ATP7A: variants seen among roughly 807,000 people sequenced by gnomAD.
ATP7A encodes the protein copper-transporting ATPase 1.
ATP7A carries 7 observed loss-of-function variants against 83.5 expected under a neutral mutation model. The observed-to-expected ratio is 0.08, with a 90% CI of 0.05 to 0.16. The LOEUF is 0.16. Among genes scored for constraint, ATP7A ranks in the 10% least tolerant of loss-of-function variants. The probability of loss-of-function intolerance (pLI) is 1.00; values close to 1 mark genes in which losing one functional copy is unlikely to be tolerated. For synonymous variants in ATP7A, 354 were observed against 395.2 expected (o/e 0.90, Z 1.24); for missense variants, 940 against 1,120.8 (o/e 0.84, Z 2.30).
rs1266808733 is a variant in ATP7A at position 77,962,431 on chromosome X, T to G, written c.-21-9190T>G. On this transcript the variant is annotated intron_variant, in intron 1 of 22. Transcript: ENST00000341514. Reference sequence around the variant, plus strand: ...TCAGGCCTGCTCCCATACTGTGGAGTGTACTTTCATTTTCAACAAATCCCT... The same window carrying G: ...TCAGGCCTGCTCCCATACTGTGGAGGGTACTTTCATTTTCAACAAATCCCT... 5 of 211,593 alleles carry G rather than the reference T, an allele frequency of 2.4e-5. No homozygotes were observed. In the East Asian group the frequency reaches 4.9e-4, roughly 21 times the overall value. 17.4% of individuals were successfully genotyped at this position (211,593 alleles called of 1,213,427 possible).
intron 5 of ATP7A, among the ~76,000 whole-genome samples, chrX:78,001,879 CT>C (rs1247546901): frequency 1.8e-5 from 2 of 110,927 alleles, no homozygotes; most frequent in African/African-American, 3.3e-5. Context: ...AAATGAACTC[CT>C]TTTTTTGGTT....
At chrX:78,035,816 C>T (rs1402886937) in intron 17 of ATP7A, among the ~76,000 whole-genome samples, 1 of 111,898 alleles carries the variant, frequency 8.9e-6, no homozygotes, top group Non-Finnish European at 1.9e-5. Flanking sequence ...TTTCAAGACC[C>T]AGCTTATATC....
At chrX:77,927,875 G>T (rs182825972) in intron 1 of ATP7A, among the ~76,000 whole-genome samples, 1 of 110,911 alleles carries the variant, frequency 9.0e-6, no homozygotes, top group African/African-American at 3.3e-5. Flanking sequence ...GAGAACATGC[G>T]GTGTTTGGTT....
intron 1 of ATP7A, among the ~76,000 whole-genome samples, chrX:77,942,294 G>A (rs1382952834): frequency 8.9e-6 from 1 of 112,062 alleles, no homozygotes; most frequent in Non-Finnish European, 1.9e-5. Context: ...ACTTACCCAT[G>A]TCTTGTTCCT....
chrX:77,932,354 G>A (rs1708082561), intron 1 of ATP7A, among the ~76,000 whole-genome samples: 1 of 109,755 alleles, frequency 9.1e-6, no homozygotes, highest in Non-Finnish European at 1.9e-5. Flanking sequence ...GATGGCGGCC[G>A]GGAAGAGGCG....
At chrX:78,038,219 G>A (rs1165535768) in intron 17 of ATP7A, among the ~76,000 whole-genome samples, 3 of 108,915 alleles carry the variant, frequency 2.8e-5, no homozygotes, top group African/African-American at 1.0e-4. Context: ...GAGTGGATGC[G>A]GCAATGAGAG....
chrX:77,934,790 T>G (rs1310774569), intron 1 of ATP7A, among the ~76,000 whole-genome samples: 1 of 110,444 alleles, frequency 9.1e-6, no homozygotes, highest in Non-Finnish European at 1.9e-5. Flanking sequence ...ACAGAGGGAC[T>G]GGCAGAGGGT....
chrX:77,970,823 C>T (rs1210662814), intron 1 of ATP7A, among the ~76,000 whole-genome samples: 2 of 112,060 alleles, frequency 1.8e-5, no homozygotes, highest in African/African-American at 6.5e-5. Context: ...AAAACCACCA[C>T]AGGAAGGCAG....
chrX:78,000,969 G>A (rs782554992), intron 5 of ATP7A, among the ~76,000 whole-genome samples: 238 of 111,687 alleles, frequency 2.1e-3, no homozygotes, highest in Non-Finnish European at 3.2e-3. Flanking sequence ...CTGGCCCTGC[G>A]TTATATTTTT....
At chrX:77,970,359 C>G (rs1238448432) in intron 1 of ATP7A, among the ~76,000 whole-genome samples, 1 of 111,810 alleles carries the variant, frequency 8.9e-6, no homozygotes, top group Non-Finnish European at 1.9e-5. Context: ...TCGCTTCTAC[C>G]GTAGTCTATT....
chrX:78,021,201 T>A, intron 14 of ATP7A, 122 bp downstream of exon 14: 2 of 771,536 alleles, frequency 2.6e-6, no homozygotes, highest in South Asian at 5.7e-5. Flanking sequence ...AGTGGGAGAG[T>A]GATAAGAATA....
chrX:77,979,806 A>G (rs1261414441), intron 2 of ATP7A, among the ~76,000 whole-genome samples: 2 of 112,825 alleles, frequency 1.8e-5, no homozygotes, highest in East Asian at 5.5e-4. Flanking sequence ...GAATATGACT[A>G]TTTGCCTTTG....
intron 14 of ATP7A, among the ~76,000 whole-genome samples, chrX:78,024,175 C>T (rs1166378385): frequency 2.7e-5 from 3 of 111,889 alleles, no homozygotes; most frequent in Non-Finnish European, 5.6e-5. Context: ...TGTATCAATA[C>T]CACGCTGTTT....
At chrX:78,018,057 T>C (rs1221337147) in intron 12 of ATP7A, among the ~76,000 whole-genome samples, 1 of 105,444 alleles carries the variant, frequency 9.5e-6, no homozygotes, top group African/African-American at 3.4e-5. Context: ...ATTACAGGCG[T>C]GAGCCACCGC....
chrX:78,045,714 G>A, intron 22 of ATP7A, 142 bp downstream of exon 22: 1 of 608,020 alleles, frequency 1.6e-6, no homozygotes, highest in Non-Finnish European at 2.6e-6. Context: ...CGGGCGTGGT[G>A]GCTCACACCT....
intron 6 of ATP7A, among the ~76,000 whole-genome samples, chrX:78,003,576 G>A (rs1383638664): frequency 9.1e-6 from 1 of 110,355 alleles, no homozygotes; most frequent in Non-Finnish European, 1.9e-5. Flanking sequence ...CCTGTGTAAG[G>A]CATATTGATT....
At chrX:77,943,593 TAA>T (rs1382001635) in intron 1 of ATP7A, among the ~76,000 whole-genome samples, 4 of 111,546 alleles carry the variant, frequency 3.6e-5, no homozygotes, top group Non-Finnish European at 7.5e-5. Context: ...AAAATAAAAA[TAA>T]GAAATTAAAA....
intron 1 of ATP7A, among the ~76,000 whole-genome samples, chrX:77,917,080 G>A (rs188212122): frequency 8.9e-6 from 1 of 111,740 alleles, no homozygotes; most frequent in African/African-American, 3.2e-5. Flanking sequence ...TGTTTCTGTG[G>A]AGTTTACAGA....
At chrX:77,941,243 A>C (rs1174758223) in intron 1 of ATP7A, among the ~76,000 whole-genome samples, 16 of 111,688 alleles carry the variant, frequency 1.4e-4, no homozygotes, top group Admixed American at 9.6e-5. Flanking sequence ...CAAAACTGAA[A>C]ACAACCTAAA....
Sources: gnomAD v4.1 joint callset for allele counts (sites outside exome capture counted in the v4.1 genomes callset) on GRCh38, gnomAD v4.1.1 for gene constraint, MANE v1.5 for transcripts, NCBI Gene and HGNC (gene_info 2026-07-23, HGNC 2026-07-21) for gene names.